The following CHST11 variants were observed in gnomAD, a reference collection of about 807,000 sequenced individuals.
The protein encoded by CHST11 is carbohydrate sulfotransferase 11, also known as C4S-1.
CHST11 carries 9 observed loss-of-function variants against 30.4 expected under a neutral mutation model. That is an observed-to-expected ratio of 0.30 (90% CI 0.18 to 0.52). The LOEUF (loss-of-function observed/expected upper bound fraction) is 0.52. Among genes scored for constraint, CHST11 ranks in the 20% least tolerant of loss-of-function variants. The probability of loss-of-function intolerance (pLI) is 0.97; values close to 1 mark genes in which losing one functional copy is unlikely to be tolerated. For synonymous variants in CHST11, 152 were observed against 187.8 expected, an observed-to-expected ratio of 0.81 and a Z score of 1.56; for missense variants, 348 against 460.6, an observed-to-expected ratio of 0.76 and a Z score of 2.24.
intron 2 of CHST11, among the ~76,000 whole-genome samples, chr12:104,711,016 A>G (rs2280684): frequency 0.35 from 53,935 of 152,050 alleles, 11,358 homozygotes; most frequent in South Asian, 0.49. Flanking sequence ...AGCATCTAGT[A>G]TATTTTGATG....
At chr12:104,571,792 G>A (rs948136057) in intron 1 of CHST11, among the ~76,000 whole-genome samples, 11 of 152,184 alleles carry the variant, frequency 7.2e-5, no homozygotes, top group African/African-American at 1.2e-4. Context: ...GTCTTGTGCC[G>A]GTTTTCAAAG....
rs960652369 is a variant in CHST11 at position 104,600,805 on chromosome 12, C to T, written c.119-1101C>T. 2.0e-5 allele frequency among the ~76,000 whole-genome samples: 3 copies of T among 152,172 alleles called. No individual in the cohort carries two copies. Among genetic ancestry groups the T allele is most frequent in the Admixed American group, 6.5e-5 (1 of 15,276 alleles). The stretch of plus-strand genomic sequence containing the variant: ...ACCTCAAACCATAAGAAAACTGCCT[C>T]GTACTTGAGAAGAAAGCCCCATTTA... On this transcript the variant is annotated intron_variant, in intron 1 of 2. Transcript: ENST00000303694. This position sits in a 1 kb window ranked among gnomAD's most constrained non-coding sequence, Gnocchi z 4.1.
intron 1 of CHST11, among the ~76,000 whole-genome samples, chr12:104,461,780 T>C (rs548936410): frequency 1.9e-3 from 291 of 152,338 alleles, no homozygotes; most frequent in African/African-American, 6.8e-3. Context: ...TTTACCCCCT[T>C]GCACTTTCAC....
intron 2 of CHST11, among the ~76,000 whole-genome samples, chr12:104,604,777 T>TG (rs2038987397): frequency 6.6e-6 from 1 of 152,232 alleles, no homozygotes; most frequent in Non-Finnish European, 1.5e-5. Context: ...ACTGCTTATT[T>TG]GGGCTTGATA....
At chr12:104,476,570 CG>C (rs1418751106) in intron 1 of CHST11, among the ~76,000 whole-genome samples, 1 of 151,828 alleles carries the variant, frequency 6.6e-6, no homozygotes, top group African/African-American at 2.4e-5. Flanking sequence ...AAAAAAATGC[CG>C]TTTTTTTTGT....
chr12:104,558,081 G>A (rs892430942), intron 1 of CHST11, among the ~76,000 whole-genome samples: 4 of 152,080 alleles, frequency 2.6e-5, no homozygotes, highest in South Asian at 2.1e-4. Context: ...TCCTCCAGCC[G>A]TGGAGATGTG....
chr12:104,605,109 T>C (rs1391902343), intron 2 of CHST11, among the ~76,000 whole-genome samples: 2 of 143,048 alleles, frequency 1.4e-5, no homozygotes, highest in African/African-American at 5.3e-5. Flanking sequence ...TACTTGCTGT[T>C]ACTAGCAAAG....
rs77811845 is a variant in CHST11 at position 104,523,918 on chromosome 12, A to G, written c.118+66389A>G. 8.5e-3 allele frequency among the ~76,000 whole-genome samples: 1,292 copies of G among 152,298 alleles called. 29 individuals carry two copies. The highest frequency in any genetic ancestry group is 0.029 in the African/African-American group (1,221 of 41,556). ...ATGGGTTTCACCTCACCCTATCCAC[A>G]TAGCTTGTCTTTAGAAGTCCCTATC... On this transcript the variant is annotated intron_variant, in intron 1 of 2. Transcript: ENST00000303694.
chr12:104,479,016 G>GCATGTCCAAGT (rs1008108245), intron 1 of CHST11, among the ~76,000 whole-genome samples: 2 of 152,120 alleles, frequency 1.3e-5, no homozygotes, highest in African/African-American at 4.8e-5. Flanking sequence ...CATGTCCAAG[G>GCATGTCCAAGT]AAAAGCCGTT....
intron 1 of CHST11, among the ~76,000 whole-genome samples, chr12:104,484,967 G>A (rs529256701): frequency 9.2e-5 from 14 of 152,310 alleles, no homozygotes; most frequent in African/African-American, 2.6e-4. Flanking sequence ...CACGGGTGCC[G>A]TCTGGGGAGT....
intron 1 of CHST11, chr12:104,514,530 A>T (rs2038002387): frequency 2.0e-6 from 1 of 510,300 alleles, no homozygotes; most frequent in Non-Finnish European, 3.5e-6. Context: ...ACATTTCTCT[A>T]AAAAAAAGAA....
intron 2 of CHST11, among the ~76,000 whole-genome samples, chr12:104,747,367 T>G (rs933955090): frequency 6.6e-6 from 1 of 152,204 alleles, no homozygotes; most frequent in Non-Finnish European, 1.5e-5. Flanking sequence ...TATCCACAAG[T>G]TGAAAATACT....
intron 2 of CHST11, among the ~76,000 whole-genome samples, chr12:104,689,105 A>G (rs936993721): frequency 1.3e-4 from 20 of 152,362 alleles, no homozygotes; most frequent in African/African-American, 4.6e-4. Context: ...TATTTCCTTT[A>G]GGTGTTATGG....
At chr12:104,701,638 G>A (rs1473232678) in intron 2 of CHST11, among the ~76,000 whole-genome samples, 1 of 152,192 alleles carries the variant, frequency 6.6e-6, no homozygotes, top group African/African-American at 2.4e-5. Context: ...CTCCAGGTGA[G>A]ACTTTAGGAT....
chr12:104,713,038 ATTCATGCGGCTT>A (rs747306204), intron 2 of CHST11, among the ~76,000 whole-genome samples: 12 of 152,010 alleles, frequency 7.9e-5, no homozygotes, highest in Admixed American at 3.9e-4. Flanking sequence ...CCAACCCCTA[ATTCATGCGGCTT>A]GCAGTAAGGA....
intron 2 of CHST11, among the ~76,000 whole-genome samples, chr12:104,604,526 C>G (rs1320626893): frequency 6.6e-6 from 1 of 152,110 alleles, no homozygotes; most frequent in Admixed American, 6.5e-5. Context: ...TGCTGTGGGC[C>G]AGGGAGTTGA....
chr12:104,719,819 G>A, intron 2 of CHST11, among the ~76,000 whole-genome samples: 1 of 152,184 alleles, frequency 6.6e-6, no homozygotes, highest in East Asian at 1.9e-4. Context: ...ATGGCCAGGG[G>A]ACAGTTACAG....
chr12:104,481,109 C>T (rs1316276852), intron 1 of CHST11, among the ~76,000 whole-genome samples: 2 of 152,204 alleles, frequency 1.3e-5, no homozygotes, highest in Non-Finnish European at 2.9e-5. Flanking sequence ...TGCCTTTCTG[C>T]TCTGCTGTAA....
chr12:104,521,316 T>C (rs1210188043), intron 1 of CHST11, among the ~76,000 whole-genome samples: 1 of 152,206 alleles, frequency 6.6e-6, no homozygotes, highest in Non-Finnish European at 1.5e-5. Context: ...TGGGTGAATA[T>C]GATTACATGC....
Sources: gnomAD v4.1 joint callset for allele counts (sites outside exome capture counted in the v4.1 genomes callset) on GRCh38, gnomAD v4.1.1 for gene constraint, Gnocchi (gnomAD v3.1) non-coding constraint, MANE v1.5 for transcripts, NCBI Gene and HGNC (gene_info 2026-07-23, HGNC 2026-07-21) for gene names.